The following HYKK variants were observed in gnomAD, a reference collection of about 807,000 sequenced individuals.
HYKK encodes 5-hydroxy-L-lysine kinase.
In HYKK, 19 loss-of-function variants were observed where a neutral mutation model predicts 29.7. That is an observed-to-expected ratio of 0.64 (90% confidence interval 0.45 to 0.94). The LOEUF (loss-of-function observed/expected upper bound fraction) is 0.94, where lower values mean the gene tolerates loss of function less well. HYKK is among the 40% of genes least tolerant of loss of function. HYKK has a pLI of 0.00. For synonymous variants in HYKK, 152 were observed against 158.1 expected (o/e 0.96, Z 0.29); for missense variants, 390 against 443.4 (o/e 0.88, Z 1.08).
At chr15:78,529,844 T>TG (rs1004012899) in intron 4 of HYKK, among the ~76,000 whole-genome samples, 3 of 134,810 alleles carry the variant, frequency 2.2e-5, no homozygotes, top group African/African-American at 7.5e-5. Context: ...TGCATAATTC[T>TG]AAATTTTTTT....
chr15:78,513,337 C>T lies in HYKK; in HGVS notation c.249C>T (p.His83=). The T allele has an allele frequency of 6.2e-7, 1 of 1,614,196 alleles. No individual in the cohort carries two copies. The highest frequency in any genetic ancestry group is 1.1e-5 in the South Asian group (1 of 91,084). The change falls in exon 2 of 5, where the codon CAC becomes CAT. Residue 83 remains histidine (H), a synonymous_variant. Coordinates refer to ENST00000388988, the MANE Select transcript of HYKK (RefSeq NM_001013619.4). Reference sequence around the variant, plus strand: ...CAGACCTGATTGAAGTGCAGAATCACATCATCATGTTTCTGAAAGCCGCTG... The same window carrying T: ...CAGACCTGATTGAAGTGCAGAATCATATCATCATGTTTCTGAAAGCCGCTG... The part of the protein sequence containing the change: ...KNPDLIEVQN[H]IIMFLKAAGF...
chr15:78,532,063 C>T (rs985916353), intron 4 of HYKK, among the ~76,000 whole-genome samples: 1 of 152,150 alleles, frequency 6.6e-6, no homozygotes, highest in Non-Finnish European at 1.5e-5. Flanking sequence ...GGCTTCATTG[C>T]TCATGGACAC....
rs559061192 is a variant in HYKK at position 78,520,890 on chromosome 15, G to A, written c.477+5783G>A. Among the ~76,000 whole-genome samples, 135 of 151,348 alleles carry A rather than the reference G, an allele frequency of 8.9e-4. 1 individual carries two copies. The highest frequency in any genetic ancestry group is 3.2e-3 in the African/African-American group (131 of 41,302). ...GGGCTGACCCCCCCACCTCCCTCCCGGATGGGGCGGCTGGCCGGGTGGGGG... is the reference window on the plus strand; with the variant it reads ...GGGCTGACCCCCCCACCTCCCTCCCAGATGGGGCGGCTGGCCGGGTGGGGG... On this transcript the variant is annotated intron_variant, in intron 3 of 4. Transcript: ENST00000388988.
intron 4 of HYKK, among the ~76,000 whole-genome samples, chr15:78,532,953 G>A (rs12906846): frequency 0.32 from 47,941 of 151,954 alleles, 8,580 homozygotes; most frequent in Non-Finnish European, 0.42. Context: ...TCTTCTAATG[G>A]CCAAAATCAG....
At chr15:78,513,531 G>A (rs1240738526) in intron 2 of HYKK, 106 bp downstream of exon 2, 1 of 801,998 alleles carries the variant, frequency 1.2e-6, no homozygotes, top group Non-Finnish European at 2.0e-6. Flanking sequence ...AAGTGTAGAT[G>A]TGGTTGTTAT....
At chr15:78,521,462 G>A (rs1347558946) in intron 3 of HYKK, among the ~76,000 whole-genome samples, 2 of 151,788 alleles carry the variant, frequency 1.3e-5, no homozygotes, top group African/African-American at 4.8e-5. Flanking sequence ...AGTAATTGCG[G>A]GTTTGCCATT....
At chr15:78,522,635 G>A (rs1393859499) in intron 3 of HYKK, among the ~76,000 whole-genome samples, 1 of 150,862 alleles carries the variant, frequency 6.6e-6, no homozygotes, top group Non-Finnish European at 1.5e-5. Flanking sequence ...TCAGCACTTT[G>A]GGAGGCTGAG....
chr15:78,516,897 T>C (rs1046431948), intron 3 of HYKK, among the ~76,000 whole-genome samples: 4 of 151,618 alleles, frequency 2.6e-5, no homozygotes, highest in African/African-American at 9.7e-5. Context: ...TGGTGCATGC[T>C]TGTAGTCCCA....
intron 3 of HYKK, among the ~76,000 whole-genome samples, chr15:78,516,310 G>A (rs1278663510): frequency 2.0e-5 from 3 of 151,616 alleles, no homozygotes; most frequent in African/African-American, 7.3e-5. Context: ...CATTTTGAGT[G>A]GGCTGAGGAG....
chr15:78,511,581 T>C (rs1239488871), intron 1 of HYKK, among the ~76,000 whole-genome samples: 3 of 151,958 alleles, frequency 2.0e-5, no homozygotes, highest in African/African-American at 7.3e-5. Flanking sequence ...TACAAAAAAT[T>C]AGCCTGATAT....
intron 3 of HYKK, among the ~76,000 whole-genome samples, chr15:78,526,423 G>A (rs942437431): frequency 6.6e-6 from 1 of 152,198 alleles, no homozygotes; most frequent in African/African-American, 2.4e-5. Context: ...AGAGAGGGTT[G>A]AAATTCTAGA....
intron 4 of HYKK, among the ~76,000 whole-genome samples, chr15:78,529,001 T>G (rs1314558827): frequency 2.0e-5 from 3 of 152,190 alleles, no homozygotes; most frequent in Non-Finnish European, 4.4e-5. Context: ...ATTCACCTAG[T>G]TAATCTGGAC....
chr15:78,507,987 T>TCTACTGGGAGCA (rs2052031476), intron 1 of HYKK, among the ~76,000 whole-genome samples: 3 of 152,100 alleles, frequency 2.0e-5, no homozygotes, highest in Admixed American at 2.0e-4. Context: ...GCCTGGCCGG[T>TCTACTGGGAGCA]GTCTACTGGG....
intron 2 of HYKK, among the ~76,000 whole-genome samples, chr15:78,514,671 G>C (rs577373760): frequency 6.6e-6 from 1 of 151,080 alleles, no homozygotes; most frequent in Admixed American, 6.6e-5. Context: ...AAGGCCAGCA[G>C]AGTTAGGGCT....
intron 3 of HYKK, among the ~76,000 whole-genome samples, chr15:78,515,852 T>C (rs528886485): frequency 6.6e-6 from 1 of 152,290 alleles, no homozygotes; most frequent in Non-Finnish European, 1.5e-5. Flanking sequence ...CCTCCCAAAG[T>C]GCTGGGATTA....
intron 4 of HYKK, among the ~76,000 whole-genome samples, chr15:78,532,842 T>A (rs1366759984): frequency 6.6e-6 from 1 of 152,128 alleles, no homozygotes; most frequent in Non-Finnish European, 1.5e-5. Flanking sequence ...AAAATAAAGG[T>A]AAATCTGGTC....
chr15:78,518,683 C>A, intron 3 of HYKK: 1 of 428,672 alleles, frequency 2.3e-6, no homozygotes, highest in South Asian at 1.6e-5. Context: ...TTTGGGAGGC[C>A]GAGGCAGGTG....
In HYKK at chr15:78,509,440, G is replaced by A. The variant is rs61208420; in HGVS notation, c.-6+1769G>A. On this transcript the variant is annotated intron_variant, in intron 1 of 4. Coordinates refer to ENST00000388988, the MANE Select transcript of HYKK (RefSeq NM_001013619.4). ...GCTTTACATGGCTATGGAAAACAGC[G>A]CTCTCCTAAGAGGAGCTTAACAAGT... 9.3e-3 allele frequency among the ~76,000 whole-genome samples: 1,419 copies of A among 152,316 alleles called. 37 individuals carry two copies. Among genetic ancestry groups the A allele is most frequent in the African/African-American group, 0.031 (1,280 of 41,574 alleles).
chr15:78,537,343 T>C, downstream of HYKK: 1 of 650,304 alleles, frequency 1.5e-6, no homozygotes, highest in South Asian at 1.8e-5. Flanking sequence ...AGTAAAGATC[T>C]GTTGAATAAA....
Sources: gnomAD v4.1 joint callset for allele counts (sites outside exome capture counted in the v4.1 genomes callset) on GRCh38, gnomAD v4.1.1 for gene constraint, MANE v1.5 for transcripts, NCBI Gene and HGNC (gene_info 2026-07-23, HGNC 2026-07-21) for gene names.